The following AP2S1 variants were observed in gnomAD, a reference collection of about 807,000 sequenced individuals.
AP2S1 encodes the protein adaptor related protein complex 2 subunit sigma 1, also known as AP-2 complex subunit sigma.
In AP2S1, 6 loss-of-function variants were observed where a neutral mutation model predicts 21.0. That is an observed-to-expected ratio of 0.29 (90% CI 0.16 to 0.56). The LOEUF is 0.56. Among genes scored for constraint, AP2S1 ranks in the 20% least tolerant of loss-of-function variants. The pLI is 0.92. For synonymous variants in AP2S1, 63 were observed against 74.6 expected (o/e 0.84, Z 0.80); for missense variants, 60 against 186.2 (o/e 0.32, Z 3.95).
intron 2 of AP2S1, among the ~76,000 whole-genome samples, chr19:46,839,831 C>CT: frequency 1.1e-5 from 1 of 94,736 alleles, no homozygotes; most frequent in African/African-American, 5.5e-5. Flanking sequence ...CCCTCTGATC[C>CT]TGGAGAGTCA....
Position 46,845,974 on chromosome 19 carries a change from G to A in AP2S1, c.153+19C>T. The A allele has an allele frequency of 6.2e-7, 1 of 1,613,996 alleles. No individual in the cohort carries two copies. Among genetic ancestry groups the A allele is most frequent in the African/African-American group, 1.3e-5 (1 of 75,036 alleles). On this transcript the variant is annotated intron_variant, in intron 2 of 4. Transcript: ENST00000263270. The stretch of plus-strand genomic sequence containing the variant: ...CACGAGGAAGCAGCGGGGTGCAGGA[G>A]GCATGGAGCGGGCGTCACCTCCACA...
chr19:46,842,392 T>C (rs575693448), intron 2 of AP2S1, among the ~76,000 whole-genome samples: 1 of 152,094 alleles, frequency 6.6e-6, no homozygotes, highest in East Asian at 1.9e-4. Flanking sequence ...GGGCTATGAG[T>C]CCCAAAGCAG....
At chr19:46,850,055 T>C (rs755295341) in intron 1 of AP2S1, 417 of 1,151,246 alleles carry the variant, frequency 3.6e-4, no homozygotes, top group Non-Finnish European at 4.4e-4. Context: ...CTTTCAAGCC[T>C]ACTCCCCACC....
In AP2S1 at chr19:46,850,777, G is replaced by A; in HGVS notation, c.-11C>T. The stretch of plus-strand genomic sequence containing the variant: ...CTCCCCCGTTACCATGGCGACCCCC[G>A]TCCAGACCCCAGCGGCCCCGGTCCC... On this transcript the variant is annotated 5_prime_UTR_variant, in exon 1 of 5. The change creates a new upstream start codon in the 5' untranslated region. Coordinates refer to ENST00000263270, the MANE Select transcript of AP2S1 (RefSeq NM_004069.6). The A allele has an allele frequency of 6.3e-7, 1 of 1,579,826 alleles. No homozygotes were observed. Among genetic ancestry groups the A allele is most frequent in the Non-Finnish European group, 8.6e-7 (1 of 1,161,692 alleles).
chr19:46,839,975 T>G (rs2055489291), intron 2 of AP2S1, among the ~76,000 whole-genome samples: 1 of 152,108 alleles, frequency 6.6e-6, no homozygotes. Flanking sequence ...ACCTTGCCAC[T>G]CCCTTCTGTG....
intron 2 of AP2S1, among the ~76,000 whole-genome samples, chr19:46,844,367 C>G (rs1181775157): frequency 6.6e-6 from 1 of 152,152 alleles, no homozygotes; most frequent in African/African-American, 2.4e-5. Context: ...ATTCTCCTGC[C>G]CCAGGGACTT....
intron 2 of AP2S1, among the ~76,000 whole-genome samples, chr19:46,844,047 A>G (rs1490285481): frequency 6.6e-6 from 1 of 151,934 alleles, no homozygotes; most frequent in Non-Finnish European, 1.5e-5. Context: ...AGTAGCTGGG[A>G]CTACAGGCAC....
intron 2 of AP2S1, among the ~76,000 whole-genome samples, chr19:46,843,379 T>C (rs2055563211): frequency 6.6e-6 from 1 of 152,104 alleles, no homozygotes; most frequent in Admixed American, 6.6e-5. Context: ...AAACCCTCCA[T>C]GGTTCAAGAC....
intron 1 of AP2S1, chr19:46,850,246 T>A (rs2055714499): frequency 8.1e-7 from 1 of 1,233,090 alleles, no homozygotes; most frequent in Non-Finnish European, 1.0e-6. Context: ...CATCCCTCTC[T>A]CACAGGCAGT....
At chr19:46,844,176 T>A (rs2055577999) in intron 2 of AP2S1, among the ~76,000 whole-genome samples, 1 of 151,976 alleles carries the variant, frequency 6.6e-6, no homozygotes, top group Non-Finnish European at 1.5e-5. Context: ...GTGCTGGGAT[T>A]ACAGGAGTGA....
At chr19:46,840,304 T>G (rs1033890483) in intron 2 of AP2S1, among the ~76,000 whole-genome samples, 1 of 150,122 alleles carries the variant, frequency 6.7e-6, no homozygotes, top group South Asian at 2.1e-4. Flanking sequence ...CAAAGTACAA[T>G]GTCTTTGGCC....
chr19:46,840,821 G>A (rs142407971), intron 2 of AP2S1, among the ~76,000 whole-genome samples: 201 of 148,910 alleles, frequency 1.3e-3, no homozygotes, highest in African/African-American at 4.6e-3. Flanking sequence ...GGGTTCAAGC[G>A]ATTCTCCTGC....
intron 2 of AP2S1, among the ~76,000 whole-genome samples, chr19:46,842,317 G>A (rs1171360625): frequency 6.6e-6 from 1 of 151,970 alleles, no homozygotes; most frequent in African/African-American, 2.4e-5. Flanking sequence ...CCCCAGCCAG[G>A]CTCCTCGATC....
chr19:46,841,736 A>G (rs1183180196), intron 2 of AP2S1, among the ~76,000 whole-genome samples: 1 of 152,224 alleles, frequency 6.6e-6, no homozygotes, highest in Non-Finnish European at 1.5e-5. Context: ...CCCTGTGAAT[A>G]TGGGACCTTA....
At chr19:46,845,931 G>A in intron 2 of AP2S1, 62 bp downstream of exon 2, 1 of 1,605,302 alleles carries the variant, frequency 6.2e-7, no homozygotes, top group Admixed American at 1.7e-5. Flanking sequence ...AAGCTGGGCA[G>A]GGAGTGGCGA....
intron 2 of AP2S1, among the ~76,000 whole-genome samples, chr19:46,845,433 T>G (rs1341374844): frequency 2.0e-5 from 3 of 149,832 alleles, no homozygotes; most frequent in African/African-American, 7.5e-5. Flanking sequence ...AATTAATTAA[T>G]TAATTAATTC....
intron 2 of AP2S1, among the ~76,000 whole-genome samples, chr19:46,843,941 T>C (rs1042774314): frequency 5.9e-5 from 9 of 151,938 alleles, no homozygotes; most frequent in African/African-American, 2.2e-4. Flanking sequence ...AGAGGAGTCT[T>C]GTTCTGTTGC....
Position 46,838,661 on chromosome 19 carries a change from T to C in AP2S1, c.327+79A>G. ...CTGGGACACAGACCTCAGCAGAGGC[T>C]CCGGGTGGCTAGTGCACCACGGGTC... On this transcript the variant is annotated intron_variant, in intron 4 of 4. Transcript: ENST00000263270. The surrounding 1 kb of genome is among the most constrained non-coding windows in gnomAD (Gnocchi z 4.1). 2.2e-5 allele frequency: 34 copies of C among 1,572,448 alleles called. No homozygotes were observed. Among genetic ancestry groups the C allele is most frequent in the Non-Finnish European group, 2.6e-5 (30 of 1,143,814 alleles).
At chr19:46,840,800 C>T (rs2055507199) in intron 2 of AP2S1, among the ~76,000 whole-genome samples, 1 of 143,886 alleles carries the variant, frequency 6.9e-6, no homozygotes, top group African/African-American at 2.6e-5. Flanking sequence ...TCACTGCAAT[C>T]TCTGCCTCTT....
Sources: gnomAD v4.1 joint callset for allele counts (sites outside exome capture counted in the v4.1 genomes callset) on GRCh38, gnomAD v4.1.1 for gene constraint, Gnocchi (gnomAD v3.1) non-coding constraint, MANE v1.5 for transcripts, NCBI Gene and HGNC (gene_info 2026-07-23, HGNC 2026-07-21) for gene names.